Variants in DNASE1L3 observed in about 807,000 individuals in gnomAD.
DNASE1L3 encodes the protein deoxyribonuclease gamma.
In DNASE1L3, 27 loss-of-function variants were observed where a neutral mutation model predicts 30.9. The observed-to-expected ratio is 0.87, with a 90% confidence interval of 0.64 to 1.20. DNASE1L3 has a LOEUF of 1.20. Ranked by LOEUF, DNASE1L3 falls within the 50% of genes most tolerant of loss-of-function variation. The pLI, the probability that DNASE1L3 is intolerant of heterozygous loss-of-function variation, is 0.00. For missense variants in DNASE1L3, 364 were observed against 378.2 expected (o/e 0.96, Z 0.31); for synonymous variants, 135 against 138.0 (o/e 0.98, Z 0.15).
intron 4 of DNASE1L3, among the ~76,000 whole-genome samples, 179 bp downstream of exon 4, chr3:58,204,590 C>T (rs1489399135): frequency 6.6e-6 from 1 of 152,206 alleles, no homozygotes; most frequent in African/African-American, 2.4e-5. Context: ...TGAGTCATGG[C>T]ATTCTGAGAA....
chr3:58,194,971 T>A (rs2097396385), intron 6 of DNASE1L3, among the ~76,000 whole-genome samples: 1 of 152,182 alleles, frequency 6.6e-6, no homozygotes, highest in Non-Finnish European at 1.5e-5. Flanking sequence ...ATTCTTCGCA[T>A]CAAGTTAGAC....
chr3:58,204,745 C>T, intron 4 of DNASE1L3, 24 bp downstream of exon 4: 1 of 1,609,300 alleles, frequency 6.2e-7, no homozygotes, highest in South Asian at 1.1e-5. Flanking sequence ...AGGTCCCAGA[C>T]AGAAAGGCCT....
At chr3:58,205,398 G>A (rs2097403222) in intron 3 of DNASE1L3, 73 bp downstream of exon 3, 1 of 1,385,206 alleles carries the variant, frequency 7.2e-7, no homozygotes, top group South Asian at 1.2e-5. Context: ...TGGTTTTGAA[G>A]AAAAGACATG....
chr3:58,202,594 CT>C (rs1268900949), intron 4 of DNASE1L3, among the ~76,000 whole-genome samples: 3 of 151,952 alleles, frequency 2.0e-5, no homozygotes, highest in Non-Finnish European at 4.4e-5. Flanking sequence ...TGGCTTACTT[CT>C]GTAATCCCAC....
At chr3:58,193,168 C>A in intron 7 of DNASE1L3, 175 bp downstream of exon 7, 1 of 1,439,526 alleles carries the variant, frequency 6.9e-7, no homozygotes, top group Non-Finnish European at 9.1e-7. Context: ...CCTCCGCTTC[C>A]TGGACTCAAG....
chr3:58,202,171 G>GT (rs1382407100), intron 4 of DNASE1L3, among the ~76,000 whole-genome samples: 2 of 148,172 alleles, frequency 1.3e-5, no homozygotes, highest in African/African-American at 5.0e-5. Flanking sequence ...TTGAGACGGA[G>GT]TTTCGTTCTT....
intron 2 of DNASE1L3, 129 bp from the exon 3 acceptor site, chr3:58,205,689 C>T: frequency 5.4e-6 from 4 of 735,238 alleles, no homozygotes; most frequent in South Asian, 1.7e-5. Context: ...TCATCATAAC[C>T]TTTGAGTCCA....
chr3:58,210,115 G>A (rs2097406680), intron 1 of DNASE1L3, among the ~76,000 whole-genome samples: 1 of 150,586 alleles, frequency 6.6e-6, no homozygotes, highest in African/African-American at 2.4e-5. Flanking sequence ...GATGAGGATG[G>A]GAGAGAGAAG....
chr3:58,202,139 T>A (rs374375537), intron 4 of DNASE1L3, among the ~76,000 whole-genome samples: 8 of 151,666 alleles, frequency 5.3e-5, no homozygotes, highest in South Asian at 2.1e-4. Flanking sequence ...TTCTTTTTTT[T>A]AAAGGTTTCC....
chr3:58,195,695 A>G (rs2107368245), intron 6 of DNASE1L3, among the ~76,000 whole-genome samples: 1 of 150,174 alleles, frequency 6.7e-6, no homozygotes, highest in East Asian at 2.0e-4. Flanking sequence ...CTGAGGCAGG[A>G]AAATCGCTTG....
Position 58,193,531 on chromosome 3 carries a change from G to A in DNASE1L3, c.705-92C>T, listed in dbSNP as rs76455752. ...CTGTGTTTGCTGTCTGGAATTAACC[G>A]AGCAGTCTGGCCCTTTCATGTGGCG... On this transcript the variant is annotated intron_variant, in intron 6 of 7. Coordinates refer to ENST00000394549, the MANE Select transcript of DNASE1L3 (RefSeq NM_004944.4). 1.9e-3 allele frequency: 2,178 copies of A among 1,138,768 alleles called. 36 individuals are homozygous for A. In the African/African-American group the frequency reaches 0.028, roughly 15 times the overall value. The allele number at this position is 1,138,768 out of a possible 1,614,324, so 70.5% of individuals were successfully genotyped here. A position where few individuals can be genotyped will look rare whatever the true frequency, so the allele number is the denominator to read the frequency against.
At chr3:58,208,820 A>G (rs569181656) in intron 1 of DNASE1L3, among the ~76,000 whole-genome samples, 3 of 152,278 alleles carry the variant, frequency 2.0e-5, no homozygotes, top group East Asian at 3.9e-4. Flanking sequence ...CCCATTAAAC[A>G]TAGGCAGAAA....
At chr3:58,196,679 C>T (rs867164264) in intron 6 of DNASE1L3, among the ~76,000 whole-genome samples, 2 of 151,906 alleles carry the variant, frequency 1.3e-5, no homozygotes, top group African/African-American at 4.8e-5. Context: ...TGGCCACCAC[C>T]TGGGACCAGG....
chr3:58,192,650 G>T lies in DNASE1L3; in HGVS notation c.*37C>A. 6.3e-7 allele frequency: 1 copy of T among 1,586,008 alleles called. No individual in the cohort carries two copies. The highest frequency in any genetic ancestry group is 8.6e-7 in the Non-Finnish European group (1 of 1,163,088). On this transcript the variant is annotated 3_prime_UTR_variant, in exon 8 of 8. Transcript: ENST00000394549. This position sits in a 1 kb window ranked among gnomAD's most constrained non-coding sequence, Gnocchi z 4.8. ...ATATCTGTTAGAGACATTTTATTTAGAGGCAAGAAATGGTTAATAAGATGA... is the reference window on the plus strand; with the variant it reads ...ATATCTGTTAGAGACATTTTATTTATAGGCAAGAAATGGTTAATAAGATGA...
chr3:58,192,747 G>A lies in DNASE1L3; in HGVS notation c.858C>T (p.Ala286=). ...PVEFKLQSSR[A]FTNSKKSVTL... ...TGACAGATTTTTTGCTGTTGGTGAA[G>A]GCCCTTGAAGACTGTAGTTTAAATT... Residue 286 remains alanine (A), a synonymous_variant, in exon 8 of 8, where the codon GCC becomes GCT. Coordinates refer to ENST00000394549, the MANE Select transcript of DNASE1L3 (RefSeq NM_004944.4). This position sits in a 1 kb window ranked among gnomAD's most constrained non-coding sequence, Gnocchi z 4.8. 1 of 1,614,120 alleles carries A rather than the reference G, an allele frequency of 6.2e-7. No homozygotes were observed. Among genetic ancestry groups the A allele is most frequent in the South Asian group, 1.1e-5 (1 of 91,072 alleles).
intron 2 of DNASE1L3, 40 bp from the exon 3 acceptor site, chr3:58,205,600 A>G (rs763068123): frequency 5.6e-5 from 84 of 1,512,888 alleles, no homozygotes; most frequent in Non-Finnish European, 1.1e-5. Context: ...TGAAGAGTAA[A>G]CATTCCCCTA....
In DNASE1L3 at chr3:58,194,625, C is replaced by CT. The variant is rs752613321; in HGVS notation, c.705-1187dup. Reference sequence around the variant, plus strand: ...GTAAGCCACCGCTCCAGGGCTACGGCTTTTTTTTTTCTTTTTTTGAGACGG... The same window carrying CT: ...GTAAGCCACCGCTCCAGGGCTACGGCTTTTTTTTTTTCTTTTTTTGAGACGG... On this transcript the variant is annotated intron_variant, in intron 6 of 7. Transcript: ENST00000394549. Among the ~76,000 whole-genome samples the CT allele has an allele frequency of 2.4e-3, 188 of 79,462 alleles. 10 individuals are homozygous for CT. The highest frequency in any genetic ancestry group is 5.4e-3 in the African/African-American group (100 of 18,430). 52.1% of individuals were successfully genotyped at this position (79,462 alleles called of 152,430 possible).
intron 6 of DNASE1L3, among the ~76,000 whole-genome samples, chr3:58,194,630 TTTTTTC>T (rs976016378): frequency 1.1e-5 from 1 of 87,514 alleles, no homozygotes; most frequent in Non-Finnish European, 2.4e-5. Context: ...TACGGCTTTT[TTTTTTC>T]TTTTTTTGAG....
At chr3:58,202,250 A>T (rs553378330) in intron 4 of DNASE1L3, among the ~76,000 whole-genome samples, 3 of 135,906 alleles carry the variant, frequency 2.2e-5, no homozygotes, top group African/African-American at 8.4e-5. Context: ...GGTTCAAGTG[A>T]TTCTCCTGCC....
Sources: allele counts gnomAD v4.1 joint callset (sites outside exome capture counted in the v4.1 genomes callset), GRCh38; gene constraint gnomAD v4.1.1; non-coding constraint Gnocchi (gnomAD v3.1); transcripts MANE v1.5; gene names NCBI Gene and HGNC (gene_info 2026-07-23, HGNC 2026-07-21).